The following CDK14 variants were observed in gnomAD, a reference collection of about 807,000 sequenced individuals.
The protein encoded by CDK14 is cyclin dependent kinase 14, also known as cyclin-dependent kinase 14.
A neutral mutation model predicts 60.7 loss-of-function variants in CDK14; 34 were observed. The ratio of observed to expected loss-of-function variants is 0.56; its 90% CI spans 0.43 to 0.75. The LOEUF is 0.75. CDK14 is among the 30% of genes least tolerant of loss of function. The pLI is 0.00. For missense variants in CDK14, 482 were observed against 564.1 expected, an observed-to-expected ratio of 0.85 and a Z score of 1.47; for synonymous variants, 197 against 203.7, an observed-to-expected ratio of 0.97 and a Z score of 0.28.
intron 2 of CDK14, among the ~76,000 whole-genome samples, chr7:90,690,556 T>C (rs952021072): frequency 6.6e-6 from 1 of 152,186 alleles, no homozygotes; most frequent in African/African-American, 2.4e-5. Flanking sequence ...TTAAATAAAA[T>C]ACCACAACTT....
intron 14 of CDK14, among the ~76,000 whole-genome samples, chr7:91,149,907 C>T (rs1247764280): frequency 1.3e-5 from 2 of 152,048 alleles, no homozygotes; most frequent in Non-Finnish European, 2.9e-5. Flanking sequence ...TAGGGGATTG[C>T]GATGTAGTGA....
intron 14 of CDK14, among the ~76,000 whole-genome samples, chr7:91,184,297 A>G (rs1248370765): frequency 6.6e-6 from 1 of 151,552 alleles, no homozygotes; most frequent in African/African-American, 2.4e-5. Context: ...AAAAAAAAGA[A>G]CTCCTTAAGA....
At chr7:91,128,179 T>A (rs1241062020) in intron 14 of CDK14, among the ~76,000 whole-genome samples, 1 of 152,178 alleles carries the variant, frequency 6.6e-6, no homozygotes, top group African/African-American at 2.4e-5. Context: ...TATTGAGACA[T>A]TTTATGAGGC....
chr7:90,946,256 C>A (rs1259989729), intron 8 of CDK14, among the ~76,000 whole-genome samples: 1 of 152,012 alleles, frequency 6.6e-6, no homozygotes, highest in Non-Finnish European at 1.5e-5. Context: ...TGAAAATATT[C>A]CCTAAATGCT....
chr7:91,184,140 G>A (rs930100320), intron 14 of CDK14, among the ~76,000 whole-genome samples: 3 of 143,278 alleles, frequency 2.1e-5, no homozygotes, highest in African/African-American at 5.2e-5. Flanking sequence ...AGGTGGCAGA[G>A]GTTGCAGTGA....
intron 3 of CDK14, among the ~76,000 whole-genome samples, chr7:90,740,783 C>T: frequency 6.6e-6 from 1 of 152,094 alleles, no homozygotes; most frequent in Non-Finnish European, 1.5e-5. Context: ...TTTTCTCATA[C>T]TGAGTGCTAG....
chr7:90,805,255 AG>A (rs569174067), intron 5 of CDK14, among the ~76,000 whole-genome samples: 3 of 152,124 alleles, frequency 2.0e-5, no homozygotes, highest in Non-Finnish European at 4.4e-5. Flanking sequence ...CCCATGAGCA[AG>A]GGGGGTATCT....
chr7:91,155,521 C>T (rs1800957011), intron 14 of CDK14, among the ~76,000 whole-genome samples: 1 of 152,114 alleles, frequency 6.6e-6, no homozygotes, highest in Non-Finnish European at 1.5e-5. Context: ...ATTCCATTAG[C>T]CACATTTTAA....
At chr7:90,631,229 C>T (rs895604526) in intron 2 of CDK14, among the ~76,000 whole-genome samples, 4 of 152,152 alleles carry the variant, frequency 2.6e-5, no homozygotes, top group Non-Finnish European at 4.4e-5. Context: ...TGATAAGTCA[C>T]AGCAGATGTT....
chr7:90,844,859 G>T (rs1376630891), intron 5 of CDK14, among the ~76,000 whole-genome samples: 1 of 152,060 alleles, frequency 6.6e-6, no homozygotes, highest in Non-Finnish European at 1.5e-5. Context: ...CGGAGGAAAG[G>T]TGAGGCTTCA....
chr7:90,775,374 A>G (rs1412872147), intron 4 of CDK14, among the ~76,000 whole-genome samples: 2 of 152,192 alleles, frequency 1.3e-5, no homozygotes, highest in African/African-American at 4.8e-5. Flanking sequence ...ATAAGTAATC[A>G]AAGATTGAGG....
intron 10 of CDK14, among the ~76,000 whole-genome samples, chr7:91,017,508 CTT>C (rs1291874106): frequency 1.3e-5 from 2 of 152,120 alleles, no homozygotes; most frequent in Non-Finnish European, 2.9e-5. Flanking sequence ...GAGATGAACT[CTT>C]TTAAAACAAG....
chr7:91,082,336 G>C (rs1395275999), intron 12 of CDK14, among the ~76,000 whole-genome samples: 1 of 152,208 alleles, frequency 6.6e-6, no homozygotes, highest in Admixed American at 6.5e-5. Context: ...CTAAGTCACA[G>C]AAGACAGATC....
chr7:91,040,904 A>G (rs560872342), intron 10 of CDK14, among the ~76,000 whole-genome samples: 6 of 152,362 alleles, frequency 3.9e-5, no homozygotes, highest in African/African-American at 1.2e-4. Flanking sequence ...ATAAGTAAAT[A>G]TTTCTGACAA....
At chr7:91,080,114 C>T (rs990311062) in intron 12 of CDK14, among the ~76,000 whole-genome samples, 2 of 152,136 alleles carry the variant, frequency 1.3e-5, no homozygotes, top group Non-Finnish European at 2.9e-5. Flanking sequence ...TAGTCATTCC[C>T]GTTTACTTGT....
In CDK14 at chr7:91,000,221, T is replaced by G. The variant is rs182090451; in HGVS notation, c.1041+15980T>G. Among the ~76,000 whole-genome samples, 5 of 152,364 alleles carry G rather than the reference T, an allele frequency of 3.3e-5. No individual in the cohort carries two copies. The East Asian group carries it at 9.6e-4, about 29-fold the overall frequency. ...TAGGCCTGCAGCCCAAGAATGGAGTTTGACAAATGCCAGGAATCTAGCCTA... is the reference window on the plus strand; with the variant it reads ...TAGGCCTGCAGCCCAAGAATGGAGTGTGACAAATGCCAGGAATCTAGCCTA... On this transcript the variant is annotated intron_variant, in intron 10 of 14. Coordinates refer to ENST00000380050, the MANE Select transcript of CDK14 (RefSeq NM_001287135.2).
intron 8 of CDK14, among the ~76,000 whole-genome samples, chr7:90,939,676 A>G (rs1364752352): frequency 6.6e-6 from 1 of 152,222 alleles, no homozygotes; most frequent in African/African-American, 2.4e-5. Flanking sequence ...TCTTGTAGAA[A>G]TCTATTACAG....
chr7:91,101,526 A>T (rs1197252147), intron 12 of CDK14, among the ~76,000 whole-genome samples: 1 of 152,198 alleles, frequency 6.6e-6, no homozygotes, highest in African/African-American at 2.4e-5. Flanking sequence ...ACTACAGCCT[A>T]TTTACAGAAA....
At chr7:90,886,843 G>A (rs1037695311) in intron 6 of CDK14, among the ~76,000 whole-genome samples, 1 of 152,176 alleles carries the variant, frequency 6.6e-6, no homozygotes, top group Non-Finnish European at 1.5e-5. Flanking sequence ...CAGAGTATCT[G>A]TAATTTCATA....
Sources: allele counts gnomAD v4.1 joint callset (sites outside exome capture counted in the v4.1 genomes callset), GRCh38; gene constraint gnomAD v4.1.1; transcripts MANE v1.5; gene names NCBI Gene and HGNC (gene_info 2026-07-23, HGNC 2026-07-21).